The following SUSD5 variants were observed in gnomAD, a reference collection of about 807,000 sequenced individuals.
SUSD5 encodes sushi domain containing 5.
Under a neutral mutation model 29.5 loss-of-function variants are expected in SUSD5, and 33 were observed. The ratio of observed to expected loss-of-function variants is 1.12; its 90% confidence interval spans 0.85 to 1.49. The LOEUF is 1.49. Ranked by LOEUF, SUSD5 falls within the 40% of genes most tolerant of loss-of-function variation. The pLI, the probability that SUSD5 is intolerant of heterozygous loss-of-function variation, is 0.00. For synonymous variants in SUSD5, 308 were observed against 325.3 expected (o/e 0.95, Z 0.57); for missense variants, 776 against 800.6 (o/e 0.97, Z 0.37).
Position 33,218,746 on chromosome 3 carries a change from C to T in SUSD5, c.52G>A (p.Gly18Arg). The change falls in exon 1 of 5, where the codon GGG becomes AGG. Residue 18 changes from glycine (G) to arginine (R), a missense_variant. By Grantham distance (125) the Gly-to-Arg change is moderately radical. Coordinates refer to ENST00000309558, the MANE Select transcript of SUSD5 (RefSeq NM_015551.2). ...AGGAGCAGCGCCGCCGCCCAGAGCCCGGGGAGGCGTCTGTGCCAACGGGCA... is the reference window on the plus strand; with the variant it reads ...AGGAGCAGCGCCGCCGCCCAGAGCCTGGGGAGGCGTCTGTGCCAACGGGCA... ...PPARWHRRLPGLWAAALLLLG... is the reference protein window; with the variant it reads ...PPARWHRRLPRLWAAALLLLG... 4 of 1,388,526 alleles carry T rather than the reference C, an allele frequency of 2.9e-6. No homozygotes were observed. The highest frequency in any genetic ancestry group is 1.6e-5 in the South Asian group (1 of 61,168). 86.0% of individuals were successfully genotyped at this position (1,388,526 alleles called of 1,614,324 possible). A position where few individuals can be genotyped will look rare whatever the true frequency, so the allele number is the denominator to read the frequency against.
intron 4 of SUSD5, among the ~76,000 whole-genome samples, chr3:33,157,643 T>C (rs776184592): frequency 1.7e-4 from 26 of 152,244 alleles, no homozygotes; most frequent in Admixed American, 1.1e-3. Flanking sequence ...GCCCATTTTT[T>C]CATCTCTAGA....
chr3:33,181,107 A>G (rs1224681189), intron 3 of SUSD5, among the ~76,000 whole-genome samples: 1 of 151,936 alleles, frequency 6.6e-6, no homozygotes, highest in Non-Finnish European at 1.5e-5. Context: ...AAAAGTCAAC[A>G]AGTTTTAAAA....
At chr3:33,202,024 T>TTTATC (rs1553622581) in intron 3 of SUSD5, among the ~76,000 whole-genome samples, 53 of 146,528 alleles carry the variant, frequency 3.6e-4, no homozygotes, top group Admixed American at 7.5e-4. Flanking sequence ...AGGGGAGAAG[T>TTTATC]TATCTATCTA....
At position 33,152,978 on chromosome 3, in the gene SUSD5, T is replaced by C. The variant is rs201199701; in HGVS notation, c.1654A>G (p.Ser552Gly). 80 of 1,613,796 alleles carry C rather than the reference T, an allele frequency of 5.0e-5. No individual in the cohort carries two copies. The highest frequency in any genetic ancestry group is 6.7e-5 in the African/African-American group (5 of 74,912). Residue 552 changes from serine to glycine, a missense_variant, in exon 5 of 5, where the codon AGT (serine) becomes GGT (glycine). Coordinates refer to ENST00000309558, the MANE Select transcript of SUSD5 (RefSeq NM_015551.2). Reference protein sequence around the residue: ...FGQEGPGPGASEELHPTLESC... With the variant: ...FGQEGPGPGAGEELHPTLESC... ...TCCAAGGTGGGATGAAGCTCCTCAC[T>C]TGCACCTGGCCCGGGGCCTTCCTGT...
chr3:33,210,875 C>A (rs1231601476), intron 2 of SUSD5, among the ~76,000 whole-genome samples: 2 of 135,492 alleles, frequency 1.5e-5, no homozygotes, highest in African/African-American at 2.6e-5. Context: ...TATTTTCTTT[C>A]TTTCATTATT....
Position 33,153,744 on chromosome 3 carries a change from AAACCAGAAC to A in SUSD5, c.879_887del (p.Leu293_Trp295del). On this transcript the variant is annotated inframe_deletion, in exon 5 of 5. Coordinates refer to ENST00000309558, the MANE Select transcript of SUSD5 (RefSeq NM_015551.2). The stretch of plus-strand genomic sequence containing the variant: ...CAGGCTTGTGGAAAGCCTCAGCAGG[AAACCAGAAC>A]AAGTGCTTCTGGAGCAGCCGTGATC... The A allele has an allele frequency of 6.2e-7, 1 of 1,614,064 alleles. No individual in the cohort carries two copies. Among genetic ancestry groups the A allele is most frequent in the South Asian group, 1.1e-5 (1 of 91,092 alleles).
intron 3 of SUSD5, among the ~76,000 whole-genome samples, chr3:33,183,582 G>T (rs749132832): frequency 6.6e-6 from 1 of 152,044 alleles, no homozygotes; most frequent in Non-Finnish European, 1.5e-5. Flanking sequence ...GTGTCATTCA[G>T]TTCACTATTG....
chr3:33,215,691 C>A (rs1294981994), intron 1 of SUSD5, among the ~76,000 whole-genome samples: 1 of 152,078 alleles, frequency 6.6e-6, no homozygotes, highest in African/African-American at 2.4e-5. Context: ...GGTTATACTG[C>A]CTCTCAATAA....
Position 33,218,691 on chromosome 3 carries a change from G to A in SUSD5, c.107C>T (p.Ala36Val). 4 of 1,304,438 alleles carry A rather than the reference G, an allele frequency of 3.1e-6. No individual in the cohort carries two copies. Among genetic ancestry groups the A allele is most frequent in the African/African-American group, 1.5e-5 (1 of 64,900 alleles). The allele number at this position is 1,304,438 out of a possible 1,614,324, so 80.8% of individuals were successfully genotyped here. ...LLGLPRLSVR[A>V]DGKFFVLESQ... is the part of the protein sequence containing the mutation. ...GCCGCCTCCCGCACACTCACCATCC[G>A]CCCGCACCGAAAGGCGCGGCAGACC... is the stretch of plus-strand genomic sequence containing the variant. Residue 36 changes from alanine (A) to valine (V), a missense_variant, in exon 1 of 5, where the codon GCG becomes GTG. Transcript: ENST00000309558.
chr3:33,210,043 A>G (rs983920108), intron 2 of SUSD5, among the ~76,000 whole-genome samples: 2 of 152,158 alleles, frequency 1.3e-5, no homozygotes, highest in African/African-American at 4.8e-5. Context: ...GTTTCTTCTG[A>G]ATTTTATTCT....
At chr3:33,206,566 A>G (rs1399859365) in intron 3 of SUSD5, among the ~76,000 whole-genome samples, 1 of 152,042 alleles carries the variant, frequency 6.6e-6, no homozygotes, top group African/African-American at 2.4e-5. Flanking sequence ...AGACTCTCCC[A>G]ACATCCTTCC....
At chr3:33,160,180 GC>G (rs2031152610) in intron 4 of SUSD5, among the ~76,000 whole-genome samples, 1 of 152,118 alleles carries the variant, frequency 6.6e-6, no homozygotes, top group African/African-American at 2.4e-5. Flanking sequence ...TCACTATGTT[GC>G]CCAGGCTTGT....
intron 1 of SUSD5, among the ~76,000 whole-genome samples, chr3:33,214,619 TC>T (rs1211544272): frequency 1.3e-5 from 2 of 152,142 alleles, no homozygotes; most frequent in Non-Finnish European, 2.9e-5. Context: ...CTGCTGTACT[TC>T]TGTCCTACTG....
chr3:33,205,101 G>A (rs1158227760), intron 3 of SUSD5, among the ~76,000 whole-genome samples: 1 of 151,922 alleles, frequency 6.6e-6, no homozygotes, highest in African/African-American at 2.4e-5. Flanking sequence ...ACGTCCCTTT[G>A]TCCCTAAAAA....
intron 3 of SUSD5, among the ~76,000 whole-genome samples, chr3:33,203,600 C>A (rs1040711379): frequency 3.3e-5 from 5 of 152,324 alleles, no homozygotes; most frequent in Admixed American, 1.3e-4. Context: ...CAACAGGTGT[C>A]ACGGGAGCCT....
rs970322475 is a variant in SUSD5, at chr3:33,214,225, A to C, written c.113-120T>G. 3 of 853,494 alleles carry C rather than the reference A, an allele frequency of 3.5e-6. No homozygotes were observed. The South Asian group carries it at 6.3e-5, about 18-fold the overall frequency. The allele number at this position is 853,494 out of a possible 1,614,324, so 52.9% of individuals were successfully genotyped here. A position where few individuals can be genotyped will look rare whatever the true frequency, so the allele number is the denominator to read the frequency against. ...AGTCCTTGCCTGAAGGCCCAAGTGC[A>C]GCAACTACCACATCCACATCCCTGG... On this transcript the variant is annotated intron_variant, in intron 1 of 4. Transcript: ENST00000309558.
chr3:33,162,457 A>G lies in SUSD5; in HGVS notation c.599-8424T>C, dbSNP rs1370279076. Among the ~76,000 whole-genome samples the G allele has an allele frequency of 3.9e-5, 6 of 152,226 alleles. 1 individual carries two copies. The South Asian group carries it at 1.0e-3, about 26-fold the overall frequency. On this transcript the variant is annotated intron_variant, in intron 4 of 4. Transcript: ENST00000309558. ...TTAAAAGAGGAGAAATAAATAAAAA[A>G]CAAACACACAATACAGAAAATCGAC...
At chr3:33,214,147 C>T (rs1007427496) in intron 1 of SUSD5, 42 bp from the exon 2 acceptor site, 1 of 1,537,944 alleles carries the variant, frequency 6.5e-7, no homozygotes, top group African/African-American at 1.4e-5. Flanking sequence ...TTTCAGGATC[C>T]ATGGGAAGTT....
intron 1 of SUSD5, among the ~76,000 whole-genome samples, chr3:33,217,055 C>T (rs927932062): frequency 4.6e-5 from 7 of 152,154 alleles, no homozygotes; most frequent in Admixed American, 2.0e-4. Flanking sequence ...ACATTTCTGC[C>T]TTTAATTTTC....
Sources: gnomAD v4.1 joint callset for allele counts (sites outside exome capture counted in the v4.1 genomes callset) on GRCh38, gnomAD v4.1.1 for gene constraint, MANE v1.5 for transcripts, NCBI Gene and HGNC (gene_info 2026-07-23, HGNC 2026-07-21) for gene names.